The following KCNK9 variants were observed in gnomAD, a reference collection of about 807,000 sequenced individuals.
KCNK9 encodes potassium channel subfamily K member 9.
A neutral mutation model predicts 10.8 loss-of-function variants in KCNK9; 1 was observed. The observed-to-expected ratio is 0.09, with a 90% CI of 0.03 to 0.44. The LOEUF (loss-of-function observed/expected upper bound fraction) is 0.44. Ranked by LOEUF, KCNK9 falls within the 20% of genes least tolerant of loss-of-function variation. The pLI is 0.97. For missense variants in KCNK9, 303 were observed against 515.0 expected, an observed-to-expected ratio of 0.59 and a Z score of 3.98; for synonymous variants, 231 against 222.7, an observed-to-expected ratio of 1.04 and a Z score of -0.33.
chr8:139,672,204 G>C (rs1014907887), intron 1 of KCNK9, among the ~76,000 whole-genome samples: 10 of 152,076 alleles, frequency 6.6e-5, no homozygotes, highest in African/African-American at 9.7e-5. Context: ...TCCTCTCTAG[G>C]ACAGGACACA....
At chr8:139,633,388 C>T (rs1161037929) in intron 1 of KCNK9, among the ~76,000 whole-genome samples, 2 of 152,186 alleles carry the variant, frequency 1.3e-5, no homozygotes, top group African/African-American at 2.4e-5. Flanking sequence ...ACTCAGTATC[C>T]TTGTTGGCCA....
rs944825161 is a variant in KCNK9, at chr8:139,677,951, A to G, written c.283+24759T>C. Among the ~76,000 whole-genome samples the G allele has an allele frequency of 5.9e-4, 66 of 111,152 alleles. 1 individual carries two copies. The highest frequency in any genetic ancestry group is 3.2e-3 in the African/African-American group (57 of 17,604). 72.9% of individuals were successfully genotyped at this position (111,152 alleles called of 152,430 possible). On this transcript the variant is annotated intron_variant, in intron 1 of 1. Coordinates refer to ENST00000520439, the MANE Select transcript of KCNK9 (RefSeq NM_001282534.2). The stretch of plus-strand genomic sequence containing the variant: ...TAATACCTCACATCTCAGCCCAATG[A>G]GTCCCTACAGCTGCAGAGTAATACC...
At chr8:139,650,718 C>A (rs1033003283) in intron 1 of KCNK9, among the ~76,000 whole-genome samples, 12 of 152,174 alleles carry the variant, frequency 7.9e-5, no homozygotes, top group Non-Finnish European at 1.5e-4. Context: ...TCGACAACCA[C>A]ACACCCCTGA....
chr8:139,694,158 C>T (rs1209887848), intron 1 of KCNK9, among the ~76,000 whole-genome samples: 1 of 151,996 alleles, frequency 6.6e-6, no homozygotes, highest in Non-Finnish European at 1.5e-5. Flanking sequence ...GGTTCGGCGG[C>T]AGCAGAAAGG....
At chr8:139,673,444 G>C (rs763721521) in intron 1 of KCNK9, among the ~76,000 whole-genome samples, 6 of 152,224 alleles carry the variant, frequency 3.9e-5, no homozygotes, top group Non-Finnish European at 7.3e-5. Flanking sequence ...GGGCAGCTTA[G>C]CGGCACTGGC....
intron 1 of KCNK9, among the ~76,000 whole-genome samples, chr8:139,628,496 T>C (rs529300369): frequency 1.3e-5 from 2 of 152,312 alleles, no homozygotes; most frequent in South Asian, 4.1e-4. Flanking sequence ...CCCTTGTTCA[T>C]GCCGACCAGG....
At chr8:139,625,029 C>T (rs957725133) in intron 1 of KCNK9, among the ~76,000 whole-genome samples, 2 of 152,192 alleles carry the variant, frequency 1.3e-5, no homozygotes, top group African/African-American at 4.8e-5. Flanking sequence ...CATCAGAGCA[C>T]AATGAGAATC....
At chr8:139,659,179 C>T (rs1383590655) in intron 1 of KCNK9, among the ~76,000 whole-genome samples, 1 of 152,230 alleles carries the variant, frequency 6.6e-6, no homozygotes, top group Non-Finnish European at 1.5e-5. Context: ...GTGGATACGA[C>T]CCTGACTCTT....
intron 1 of KCNK9, among the ~76,000 whole-genome samples, chr8:139,632,696 T>C (rs1815210392): frequency 1.3e-5 from 2 of 152,130 alleles, no homozygotes; most frequent in South Asian, 2.1e-4. Flanking sequence ...TCCCTAAAGA[T>C]AGAAGCCTCA....
intron 2 of KCNK9, among the ~76,000 whole-genome samples, chr8:139,602,907 G>A (rs187409949): frequency 1.3e-5 from 2 of 152,282 alleles, no homozygotes; most frequent in East Asian, 1.9e-4. Context: ...TTTACATGGT[G>A]GCGTATCGCT....
intron 1 of KCNK9, among the ~76,000 whole-genome samples, chr8:139,677,870 A>ACAGC (rs1816595634): frequency 4.7e-5 from 2 of 42,242 alleles, no homozygotes; most frequent in East Asian, 8.7e-4. Context: ...AGGGGTCCCC[A>ACAGC]TGGCTGCAGA....
downstream of KCNK9, among the ~76,000 whole-genome samples, chr8:139,609,106 A>ACCCCCCCCC (rs1554617339): frequency 2.2e-4 from 27 of 123,846 alleles, no homozygotes; most frequent in Non-Finnish European, 3.0e-4. Context: ...GACCCATCCC[A>ACCCCCCCCC]CCCCACCCCG....
chr8:139,695,436 G>A (rs1218930748), intron 1 of KCNK9, among the ~76,000 whole-genome samples: 1 of 152,216 alleles, frequency 6.6e-6, no homozygotes, highest in Non-Finnish European at 1.5e-5. Context: ...ATCCCTACAG[G>A]CTGTTACAGA....
intron 1 of KCNK9, among the ~76,000 whole-genome samples, chr8:139,633,261 G>T (rs2545462): frequency 0.39 from 59,591 of 152,016 alleles, 12,211 homozygotes; most frequent in African/African-American, 0.48. Context: ...TAAGGTATAA[G>T]AGAAGCAAGA....
intron 1 of KCNK9, among the ~76,000 whole-genome samples, chr8:139,701,654 C>A (rs888346): frequency 6.6e-6 from 1 of 152,018 alleles, no homozygotes; most frequent in South Asian, 2.1e-4. Context: ...AAGGAGATGG[C>A]CCTAGAGAGG....
Position 139,650,151 on chromosome 8 carries a change from T to C in KCNK9, c.284-31052A>G, listed in dbSNP as rs567250729. Among the ~76,000 whole-genome samples the C allele has an allele frequency of 2.6e-5, 4 of 152,220 alleles. No individual in the cohort carries two copies. In the South Asian group the frequency reaches 8.3e-4, roughly 32 times the overall value. ...CAAAACTCTCCTGGGGCTTCTCATC[T>C]CCCCCAAGTAAGATCCAAAGAAGAG... On this transcript the variant is annotated intron_variant, in intron 1 of 1. Transcript: ENST00000520439.
intron 1 of KCNK9, among the ~76,000 whole-genome samples, chr8:139,657,017 C>A (rs1816040206): frequency 6.6e-6 from 1 of 152,210 alleles, no homozygotes; most frequent in Admixed American, 6.5e-5. Context: ...GCCCCCTCCA[C>A]ACCTTTGCAG....
chr8:139,648,806 T>A (rs1432868956), intron 1 of KCNK9, among the ~76,000 whole-genome samples: 1 of 152,196 alleles, frequency 6.6e-6, no homozygotes, highest in African/African-American at 2.4e-5. Context: ...CAATGACACG[T>A]GCCGTGGGCA....
At chr8:139,672,785 G>A (rs1816462802) in intron 1 of KCNK9, among the ~76,000 whole-genome samples, 1 of 152,208 alleles carries the variant, frequency 6.6e-6, no homozygotes, top group African/African-American at 2.4e-5. Flanking sequence ...GGAGTGGAGT[G>A]TTTGGGGGTC....
Sources: gnomAD v4.1 joint callset for allele counts (sites outside exome capture counted in the v4.1 genomes callset) on GRCh38, gnomAD v4.1.1 for gene constraint, MANE v1.5 for transcripts, NCBI Gene and HGNC (gene_info 2026-07-23, HGNC 2026-07-21) for gene names.